The following NKAIN2 variants were observed in gnomAD, a reference collection of about 807,000 sequenced individuals.
NKAIN2 encodes the protein sodium/potassium-transporting ATPase subunit beta-1-interacting protein 2.
A neutral mutation model predicts 32.6 loss-of-function variants in NKAIN2; 14 were observed. The ratio of observed to expected loss-of-function variants is 0.43; its 90% CI spans 0.28 to 0.67. The LOEUF is 0.67. Among genes scored for constraint, NKAIN2 ranks in the 30% least tolerant of loss-of-function variants. The pLI, the probability that NKAIN2 is intolerant of heterozygous loss-of-function variation, is 0.17. For synonymous variants in NKAIN2, 80 were observed against 87.2 expected (o/e 0.92, Z 0.46); for missense variants, 198 against 258.3 (o/e 0.77, Z 1.60).
chr6:124,238,639 C>A (rs1792908765), intron 1 of NKAIN2, among the ~76,000 whole-genome samples: 1 of 152,046 alleles, frequency 6.6e-6, no homozygotes, highest in African/African-American at 2.4e-5. Flanking sequence ...AGGTACCCAC[C>A]TCATCTCATT....
chr6:124,177,294 T>C (rs975073623), intron 1 of NKAIN2, among the ~76,000 whole-genome samples: 2 of 152,220 alleles, frequency 1.3e-5, no homozygotes, highest in African/African-American at 4.8e-5. Context: ...AGTTTAGATA[T>C]TACTTTATAA....
intron 1 of NKAIN2, among the ~76,000 whole-genome samples, chr6:123,947,432 A>G (rs1387089696): frequency 3.3e-5 from 5 of 152,088 alleles, no homozygotes; most frequent in African/African-American, 1.2e-4. Flanking sequence ...CAAAGCCTCT[A>G]TGTTGTTTCT....
rs564091135 is a variant in NKAIN2 at position 123,909,654 on chromosome 6, C to T, written c.54+105400C>T. Among the ~76,000 whole-genome samples the T allele has an allele frequency of 1.2e-4, 18 of 152,336 alleles. No individual in the cohort carries two copies. The South Asian group carries it at 3.5e-3, about 30-fold the overall frequency. On this transcript the variant is annotated intron_variant, in intron 1 of 6. Coordinates refer to ENST00000368417, the MANE Select transcript of NKAIN2 (RefSeq NM_001040214.3). ...CTCCTTCATTTTTCACATCAATAGTCACTTCAAACATTGCCTTGTCTGGCC... is the reference window on the plus strand; with the variant it reads ...CTCCTTCATTTTTCACATCAATAGTTACTTCAAACATTGCCTTGTCTGGCC...
intron 4 of NKAIN2, among the ~76,000 whole-genome samples, chr6:124,712,768 G>A (rs1391844718): frequency 6.6e-6 from 1 of 151,828 alleles, no homozygotes; most frequent in Non-Finnish European, 1.5e-5. Context: ...TGTCCTCTGC[G>A]CCACTCATGC....
intron 1 of NKAIN2, among the ~76,000 whole-genome samples, chr6:124,266,001 G>A (rs916341609): frequency 5.3e-5 from 8 of 152,118 alleles, no homozygotes; most frequent in Non-Finnish European, 1.0e-4. Flanking sequence ...AAAAGACAAA[G>A]TAGGAGGCAA....
chr6:124,234,241 C>T (rs1321519663), intron 1 of NKAIN2, among the ~76,000 whole-genome samples: 1 of 152,166 alleles, frequency 6.6e-6, no homozygotes, highest in Non-Finnish European at 1.5e-5. Flanking sequence ...AATTTTATTT[C>T]TTCCTCCATT....
intron 3 of NKAIN2, among the ~76,000 whole-genome samples, chr6:124,390,227 C>G (rs963719675): frequency 6.6e-6 from 1 of 152,044 alleles, no homozygotes; most frequent in Non-Finnish European, 1.5e-5. Flanking sequence ...CCACCTAAGA[C>G]TGAAGCAGGG....
At chr6:124,798,289 A>T (rs933338091) in intron 5 of NKAIN2, among the ~76,000 whole-genome samples, 1 of 152,194 alleles carries the variant, frequency 6.6e-6, no homozygotes, top group Admixed American at 6.5e-5. Context: ...TGTGAGAAGA[A>T]TATGTTTATT....
At chr6:124,251,930 A>C (rs921414156) in intron 1 of NKAIN2, among the ~76,000 whole-genome samples, 1 of 152,096 alleles carries the variant, frequency 6.6e-6, no homozygotes, top group East Asian at 1.9e-4. Context: ...CATTACCAAC[A>C]CAAAGAAATG....
At chr6:124,243,899 ATAT>A (rs1055210507) in intron 1 of NKAIN2, among the ~76,000 whole-genome samples, 2 of 152,122 alleles carry the variant, frequency 1.3e-5, no homozygotes, top group Non-Finnish European at 2.9e-5. Context: ...ATTTCCCAAA[ATAT>A]TATGAGTCTT....
intron 3 of NKAIN2, among the ~76,000 whole-genome samples, chr6:124,379,308 G>T (rs900265749): frequency 7.1e-6 from 1 of 141,658 alleles, no homozygotes; most frequent in East Asian, 2.2e-4. Flanking sequence ...AGGAGAAAGG[G>T]GAGAGGAGAG....
intron 3 of NKAIN2, among the ~76,000 whole-genome samples, chr6:124,384,862 A>G (rs987425784): frequency 6.6e-6 from 1 of 152,076 alleles, no homozygotes; most frequent in African/African-American, 2.4e-5. Context: ...GGCTCAAATG[A>G]TCCACCCGCT....
intron 2 of NKAIN2, among the ~76,000 whole-genome samples, chr6:124,307,181 A>G (rs1796542378): frequency 6.6e-6 from 1 of 152,166 alleles, no homozygotes; most frequent in Non-Finnish European, 1.5e-5. Flanking sequence ...ATAAAAAATT[A>G]TATATGGGAT....
At chr6:124,250,013 T>C (rs1352485999) in intron 1 of NKAIN2, among the ~76,000 whole-genome samples, 1 of 152,122 alleles carries the variant, frequency 6.6e-6, no homozygotes, top group Non-Finnish European at 1.5e-5. Context: ...CAATCTCCAA[T>C]GTGAGGACAT....
intron 4 of NKAIN2, among the ~76,000 whole-genome samples, chr6:124,725,448 C>T (rs547579939): frequency 3.9e-5 from 6 of 152,210 alleles, no homozygotes; most frequent in African/African-American, 1.4e-4. Flanking sequence ...GCCTCATCAT[C>T]CTGGAATATT....
intron 1 of NKAIN2, among the ~76,000 whole-genome samples, chr6:124,234,375 A>T (rs1374584969): frequency 6.6e-6 from 1 of 152,146 alleles, no homozygotes; most frequent in African/African-American, 2.4e-5. Context: ...CCTTAAACAC[A>T]CTGTAAAAGA....
At chr6:123,997,136 C>T (rs932580125) in intron 1 of NKAIN2, among the ~76,000 whole-genome samples, 1 of 152,106 alleles carries the variant, frequency 6.6e-6, no homozygotes, top group Non-Finnish European at 1.5e-5. Flanking sequence ...AACGTGTGAT[C>T]AGAAGATAAA....
rs562018477 is a variant in NKAIN2 at position 124,791,356 on chromosome 6, C to G, written c.492C>G (p.Tyr164Ter). ...TGTTTCAGCTGGCAGGTTTCATCTA[C>G]GCCTGTTATGTTGTGAAATGTATAA... ...QIVLALAGFI[Y>*]ACYVVKCITE... The change falls in exon 5 of 7, where the codon TAC (tyrosine) becomes TAG (stop). Residue 164 changes from tyrosine (Y) to a stop codon, truncating the protein, a stop_gained. Transcript: ENST00000368417. LOFTEE classifies it high-confidence loss of function. 1 of 1,609,354 alleles carries G rather than the reference C, an allele frequency of 6.2e-7. No homozygotes were observed. Among genetic ancestry groups the G allele is most frequent in the Non-Finnish European group, 8.5e-7 (1 of 1,176,602 alleles).
intron 3 of NKAIN2, among the ~76,000 whole-genome samples, chr6:124,531,390 C>G (rs552691871): frequency 5.3e-5 from 8 of 152,132 alleles, no homozygotes; most frequent in Admixed American, 1.3e-4. Context: ...GGGGTGGATG[C>G]AAATCATACT....
Sources: allele counts gnomAD v4.1 joint callset (sites outside exome capture counted in the v4.1 genomes callset), GRCh38; gene constraint gnomAD v4.1.1; transcripts MANE v1.5; gene names NCBI Gene and HGNC (gene_info 2026-07-23, HGNC 2026-07-21).